GPM6A: variants seen among roughly 807,000 people sequenced by gnomAD.
The protein encoded by GPM6A is neuronal membrane glycoprotein M6-a.
A neutral mutation model predicts 32.1 loss-of-function variants in GPM6A; 7 were observed. The ratio of observed to expected loss-of-function variants is 0.22; its 90% CI spans 0.12 to 0.41. GPM6A has a LOEUF of 0.41. Ranked by LOEUF, GPM6A falls within the 10% of genes least tolerant of loss-of-function variation. GPM6A has a pLI of 1.00. For missense variants in GPM6A, 235 were observed against 347.2 expected (o/e 0.68, Z 2.57); for synonymous variants, 130 against 123.4 (o/e 1.05, Z -0.35).
chr4:175,978,385 G>C (rs550721934), intron 1 of GPM6A, among the ~76,000 whole-genome samples: 1 of 152,082 alleles, frequency 6.6e-6, no homozygotes, highest in African/African-American at 2.4e-5. Context: ...TCCCTTCCTC[G>C]ACAGGTGGGG....
intron 1 of GPM6A, among the ~76,000 whole-genome samples, chr4:175,951,826 G>A (rs1219946842): frequency 6.6e-6 from 1 of 152,122 alleles, no homozygotes; most frequent in Non-Finnish European, 1.5e-5. Flanking sequence ...TAAGCAGATT[G>A]CCCTGCATAA....
intron 1 of GPM6A, among the ~76,000 whole-genome samples, chr4:175,735,672 G>C (rs1033735492): frequency 3.3e-5 from 5 of 151,912 alleles, no homozygotes; most frequent in African/African-American, 9.7e-5. Flanking sequence ...TGATTCTCCG[G>C]CCTCAGCCTC....
chr4:175,730,780 G>T (rs1032392248), intron 1 of GPM6A, among the ~76,000 whole-genome samples: 3 of 151,926 alleles, frequency 2.0e-5, no homozygotes, highest in Non-Finnish European at 4.4e-5. Flanking sequence ...GGCCGTTCTC[G>T]ATCTCTTACC....
chr4:175,877,735 C>G (rs192132925), intron 1 of GPM6A, among the ~76,000 whole-genome samples: 1 of 152,130 alleles, frequency 6.6e-6, no homozygotes, highest in Non-Finnish European at 1.5e-5. Flanking sequence ...TATCATTCTG[C>G]CCCGGCCCCT....
rs1372924131 is a variant in GPM6A, at chr4:175,841,098, T to C, written c.-22-28849A>G. Among the ~76,000 whole-genome samples, 4 of 152,180 alleles carry C rather than the reference T, an allele frequency of 2.6e-5. No individual in the cohort carries two copies. In the East Asian group the frequency reaches 7.7e-4, roughly 29 times the overall value. On this transcript the variant is annotated intron_variant, in intron 1 of 7. Transcript: ENST00000280187. ...GATCCTAACCTAATCTGTCTCTCTA[T>C]AAAAATGAATTCTAAAGATAAGTGG...
At chr4:175,815,124 C>T (rs11946318), upstream of GPM6A, among the ~76,000 whole-genome samples, 8,979 of 152,192 alleles carry the variant, frequency 0.059, 856 homozygotes, top group African/African-American at 0.21. Context: ...AATTCTCCTG[C>T]CTCAGCCTCC....
At chr4:175,878,729 T>G (rs1240624424) in intron 1 of GPM6A, among the ~76,000 whole-genome samples, 1 of 152,124 alleles carries the variant, frequency 6.6e-6, no homozygotes, top group African/African-American at 2.4e-5. Flanking sequence ...GTCTGGGTGG[T>G]TAACATTTGT....
At chr4:175,877,031 G>A (rs1469351316) in intron 1 of GPM6A, among the ~76,000 whole-genome samples, 3 of 152,182 alleles carry the variant, frequency 2.0e-5, no homozygotes, top group Non-Finnish European at 4.4e-5. Context: ...CCCAGCTTTG[G>A]AGGCTCTGGA....
intron 1 of GPM6A, among the ~76,000 whole-genome samples, chr4:175,777,546 A>G (rs1400121107): frequency 6.6e-6 from 1 of 152,054 alleles, no homozygotes; most frequent in African/African-American, 2.4e-5. Context: ...AAAGATAAAA[A>G]TATTCTCTAC....
At chr4:175,900,692 C>T (rs561256474) in intron 1 of GPM6A, among the ~76,000 whole-genome samples, 3 of 152,104 alleles carry the variant, frequency 2.0e-5, no homozygotes, top group Non-Finnish European at 2.9e-5. Context: ...ACTAGTACAA[C>T]CACTATAGAA....
intron 1 of GPM6A, among the ~76,000 whole-genome samples, chr4:175,837,413 C>G (rs1735802150): frequency 6.6e-6 from 1 of 152,198 alleles, no homozygotes; most frequent in South Asian, 2.1e-4. Flanking sequence ...ATACAGCAGG[C>G]TGCGCTGTTG....
chr4:175,725,608 A>G (rs1274949513), intron 1 of GPM6A, among the ~76,000 whole-genome samples: 2 of 152,062 alleles, frequency 1.3e-5, no homozygotes, highest in African/African-American at 4.8e-5. Flanking sequence ...TCTTATGCCA[A>G]ATGAGGAGTG....
intron 1 of GPM6A, among the ~76,000 whole-genome samples, chr4:175,871,267 G>C (rs1006389853): frequency 6.6e-6 from 1 of 151,928 alleles, no homozygotes; most frequent in Non-Finnish European, 1.5e-5. Context: ...TCAGGAGCTC[G>C]AGACCAGCCT....
chr4:175,955,894 T>C lies in GPM6A; in HGVS notation c.-23+46415A>G, dbSNP rs117355928. On this transcript the variant is annotated intron_variant, in intron 1 of 7. Transcript: ENST00000280187. ...GCTCTCATGGTCTATGGAGAGCCCA[T>C]TGTGTGTATCTCTTTCCAGCTCTGC... Among the ~76,000 whole-genome samples, 10 of 152,292 alleles carry C rather than the reference T, an allele frequency of 6.6e-5. No individual in the cohort carries two copies. In the East Asian group the frequency reaches 1.9e-3, roughly 29 times the overall value.
At chr4:175,787,217 AT>A (rs1213815452) in intron 1 of GPM6A, 2 of 679,218 alleles carry the variant, frequency 2.9e-6, no homozygotes, top group Non-Finnish European at 5.2e-6. Flanking sequence ...AATTAATAAA[AT>A]TCATCTTAAA....
intron 1 of GPM6A, among the ~76,000 whole-genome samples, chr4:175,767,615 A>AATTTATTAG (rs1733024607): frequency 6.6e-6 from 1 of 152,210 alleles, no homozygotes; most frequent in Non-Finnish European, 1.5e-5. Flanking sequence ...ACTACACACC[A>AATTTATTAG]ATTGTGCACC....
chr4:175,901,188 CA>C (rs980461722), intron 1 of GPM6A, among the ~76,000 whole-genome samples: 54 of 151,318 alleles, frequency 3.6e-4, no homozygotes, highest in African/African-American at 1.3e-3. Context: ...TTAACAGGTA[CA>C]AAAAAAATTA....
intron 1 of GPM6A, among the ~76,000 whole-genome samples, chr4:175,763,776 A>G (rs1390200262): frequency 6.6e-6 from 1 of 152,158 alleles, no homozygotes; most frequent in Admixed American, 6.6e-5. Context: ...CAAATAACAT[A>G]ATTTAATTTA....
intron 1 of GPM6A, among the ~76,000 whole-genome samples, chr4:175,771,191 A>T: frequency 6.6e-6 from 1 of 152,054 alleles, no homozygotes; most frequent in East Asian, 1.9e-4. Context: ...CAATATGAAC[A>T]TATAATCTCT....
Sources: allele counts gnomAD v4.1 joint callset (sites outside exome capture counted in the v4.1 genomes callset), GRCh38; gene constraint gnomAD v4.1.1; transcripts MANE v1.5; gene names NCBI Gene and HGNC (gene_info 2026-07-23, HGNC 2026-07-21).